The following ZC3H7B variants were observed in gnomAD, a reference collection of about 807,000 sequenced individuals.
ZC3H7B encodes zinc finger CCCH domain-containing protein 7B.
ZC3H7B carries 35 observed loss-of-function variants against 116.0 expected under a neutral mutation model. The ratio of observed to expected loss-of-function variants is 0.30; its 90% CI spans 0.23 to 0.40. The LOEUF (loss-of-function observed/expected upper bound fraction) is 0.40. Ranked by LOEUF, ZC3H7B falls within the 10% of genes least tolerant of loss-of-function variation. The pLI is 1.00. For synonymous variants in ZC3H7B, 502 were observed against 545.6 expected, an observed-to-expected ratio of 0.92 and a Z score of 1.11; for missense variants, 1,011 against 1,321.5, an observed-to-expected ratio of 0.77 and a Z score of 3.64.
chr22:41,334,340 C>A (rs1029008775), intron 7 of ZC3H7B: 1 of 152,236 alleles, frequency 6.6e-6, no homozygotes, highest in African/African-American at 2.4e-5. Context: ...TGAATGACTG[C>A]GGCCAGGGGG....
In ZC3H7B at chr22:41,339,952, C is replaced by T. The variant is rs1005726150; in HGVS notation, c.953C>T (p.Pro318Leu). Reference sequence around the variant, plus strand: ...ATCCCTGTCTCCAGCCCACTGCCCCCCGCCTCCTTCGGCTTGGTCATGGAC... The same window carrying T: ...ATCCCTGTCTCCAGCCCACTGCCCCTCGCCTCCTTCGGCTTGGTCATGGAC... ...GSIPVSSPLP[P>L]ASFGLVMDPS... The change falls in exon 10 of 23, where the codon CCC (proline) becomes CTC (leucine). Residue 318 changes from proline to leucine, a missense_variant. Coordinates refer to ENST00000352645, the MANE Select transcript of ZC3H7B (RefSeq NM_017590.6). The T allele has an allele frequency of 3.1e-6, 5 of 1,612,880 alleles. No individual in the cohort carries two copies. Among genetic ancestry groups the T allele is most frequent in the Non-Finnish European group, 4.2e-6 (5 of 1,180,000 alleles).
At chr22:41,328,583 A>C (rs1403549421) in intron 5 of ZC3H7B, among the ~76,000 whole-genome samples, 5 of 152,078 alleles carry the variant, frequency 3.3e-5, no homozygotes, top group Middle Eastern at 3.4e-3. Flanking sequence ...CTCCCCCTTT[A>C]GATTGGAATC....
At chr22:41,339,790 C>T in intron 9 of ZC3H7B, 26 bp from the exon 10 acceptor site, 1 of 1,559,850 alleles carries the variant, frequency 6.4e-7, no homozygotes, top group Non-Finnish European at 8.7e-7. Flanking sequence ...TTTCCTCTGA[C>T]CCCTCCCTCT....
chr22:41,352,512 C>T (rs907076384), intron 17 of ZC3H7B, among the ~76,000 whole-genome samples: 5 of 152,192 alleles, frequency 3.3e-5, no homozygotes, highest in South Asian at 2.1e-4. Context: ...TGTAATCCCA[C>T]CAGCCTTTGG....
intron 14 of ZC3H7B, among the ~76,000 whole-genome samples, chr22:41,347,785 T>A (rs1243014352): frequency 6.6e-6 from 1 of 152,212 alleles, no homozygotes; most frequent in African/African-American, 2.4e-5. Flanking sequence ...CATTCCTTTT[T>A]ATCTTTTTTT....
intron 15 of ZC3H7B, 101 bp downstream of exon 15, chr22:41,348,268 G>A: frequency 9.4e-7 from 1 of 1,061,202 alleles, no homozygotes. Flanking sequence ...AAGGGTGGAT[G>A]TAGGGTGCAA....
rs1429669886 is a variant in ZC3H7B at position 41,357,467 on chromosome 22, G to T, written c.*38G>T. ...GCCGTGGGTGAAGTCCTGGGGTCAG[G>T]GGGTGGGGTGGGGCCAGAAGGCCTG... is the stretch of plus-strand genomic sequence containing the variant. On this transcript the variant is annotated 3_prime_UTR_variant, in exon 23 of 23. Coordinates refer to ENST00000352645, the MANE Select transcript of ZC3H7B (RefSeq NM_017590.6). The surrounding 1 kb of genome is among the most constrained non-coding windows in gnomAD (Gnocchi z 5.4). 1.9e-6 allele frequency: 3 copies of T among 1,599,566 alleles called. No individual in the cohort carries two copies. The highest frequency in any genetic ancestry group is 1.7e-5 in the Admixed American group (1 of 59,772).
rs748736334 is a variant in ZC3H7B at position 41,325,938 on chromosome 22, T to C, written c.285+20T>C. 1 of 1,587,080 alleles carries C rather than the reference T, an allele frequency of 6.3e-7. No individual in the cohort carries two copies. The highest frequency in any genetic ancestry group is 8.6e-7 in the Non-Finnish European group (1 of 1,167,444). ...ACCATGGTGAGCCTGGCACCCTCTT[T>C]TCTCTCCTCCTCTGCTGCCCTGATC... is the stretch of plus-strand genomic sequence containing the variant. On this transcript the variant is annotated intron_variant, in intron 4 of 22. Transcript: ENST00000352645.
At position 41,339,066 on chromosome 22, in the gene ZC3H7B, C is replaced by T. The variant is rs1371457545; in HGVS notation, c.691C>T (p.Pro231Ser). The T allele has an allele frequency of 6.2e-7, 1 of 1,612,614 alleles. No individual in the cohort carries two copies. Among genetic ancestry groups the T allele is most frequent in the South Asian group, 1.1e-5 (1 of 90,604 alleles). ...LPSTPTMPLF[P>S]HVLDLLAPLD... is the part of the protein sequence containing the mutation. ...CTCCACGCCCACGATGCCCCTGTTC[C>T]CTCACGTTCTGGACCTGCTGGCCCC... Residue 231 changes from proline to serine, a missense_variant, in exon 9 of 23, where the codon CCT (proline) becomes TCT (serine). By Grantham distance (74) the Pro-to-Ser change is moderately conservative (BLOSUM62 -1). Around this residue, in one of 5 missense-constraint regions of ZC3H7B, gnomAD observed 322 missense variants for 443.9 expected, o/e 0.73. Coordinates refer to ENST00000352645, the MANE Select transcript of ZC3H7B (RefSeq NM_017590.6).
chr22:41,313,109 T>C (rs375424385), intron 1 of ZC3H7B, among the ~76,000 whole-genome samples: 132 of 151,976 alleles, frequency 8.7e-4, no homozygotes, highest in African/African-American at 3.1e-3. Context: ...AAGCAGGTAA[T>C]GTTTTGGGTC....
chr22:41,350,739 T>C (rs955622968), intron 16 of ZC3H7B, among the ~76,000 whole-genome samples: 7 of 152,130 alleles, frequency 4.6e-5, no homozygotes, highest in African/African-American at 1.7e-4. Flanking sequence ...CATGGAGATG[T>C]TGGAAGCAGC....
At chr22:41,332,383 A>G in intron 7 of ZC3H7B, 156 bp downstream of exon 7, 3 of 875,810 alleles carry the variant, frequency 3.4e-6, no homozygotes, top group South Asian at 1.5e-5. Context: ...ATGTGGGGAC[A>G]GGCCATGGCT....
At chr22:41,330,858 CT>C (rs1162413000) in intron 6 of ZC3H7B, among the ~76,000 whole-genome samples, 2,174 of 128,664 alleles carry the variant, frequency 0.017, 11 homozygotes, top group Non-Finnish European at 0.023. Flanking sequence ...AGGAGAATCA[CT>C]TTTTTTTTTT....
At chr22:41,348,288 C>A in intron 15 of ZC3H7B, 121 bp downstream of exon 15, 1 of 815,492 alleles carries the variant, frequency 1.2e-6, no homozygotes, top group Non-Finnish European at 2.0e-6. Context: ...AGGAAAGGGG[C>A]AGAATTTGGG....
chr22:41,348,033 A>G (rs2145937701), intron 14 of ZC3H7B, 34 bp from the exon 15 acceptor site: 1 of 1,599,984 alleles, frequency 6.3e-7, no homozygotes, highest in South Asian at 1.1e-5. Flanking sequence ...CCAGGTGGCC[A>G]TGCCAGGTCC....
intron 13 of ZC3H7B, 129 bp from the exon 14 acceptor site, chr22:41,345,874 G>A (rs942934691): frequency 1.1e-6 from 1 of 916,176 alleles, no homozygotes; most frequent in Non-Finnish European, 1.7e-6. Flanking sequence ...TCACCTAGCT[G>A]TGTTGGGGTG....
At chr22:41,322,911 C>T (rs1407518886) in intron 2 of ZC3H7B, among the ~76,000 whole-genome samples, 5 of 152,320 alleles carry the variant, frequency 3.3e-5, no homozygotes, top group Middle Eastern at 3.4e-3. Context: ...GGATTGCAGG[C>T]GCGTGCTGCT....
Position 41,349,046 on chromosome 22 carries a change from G to A in ZC3H7B, c.1767-74G>A. On this transcript the variant is annotated intron_variant, in intron 15 of 22. Coordinates refer to ENST00000352645, the MANE Select transcript of ZC3H7B (RefSeq NM_017590.6). The surrounding 1 kb of genome is among the most constrained non-coding windows in gnomAD (Gnocchi z 4.9). ...CCCAGGGAGAGCCTGGCACTGGGAA[G>A]GTGGCCCTACCAGGAGAGAAGGTCA... 1 of 1,504,822 alleles carries A rather than the reference G, an allele frequency of 6.6e-7. No homozygotes were observed. Among genetic ancestry groups the A allele is most frequent in the Non-Finnish European group, 9.0e-7 (1 of 1,107,456 alleles). The allele number at this position is 1,504,822 out of a possible 1,614,324, so 93.2% of individuals were successfully genotyped here.
chr22:41,341,245 C>A, intron 11 of ZC3H7B, 99 bp downstream of exon 11: 1 of 1,433,424 alleles, frequency 7.0e-7, no homozygotes, highest in Non-Finnish European at 9.7e-7. Context: ...TAAGGCACTG[C>A]ATTCCCCACG....
Sources: gnomAD v4.1 joint callset for allele counts (sites outside exome capture counted in the v4.1 genomes callset) on GRCh38, gnomAD v4.1.1 for gene constraint, gnomAD v4.1.1 regional missense constraint, Gnocchi (gnomAD v3.1) non-coding constraint, MANE v1.5 for transcripts, NCBI Gene and HGNC (gene_info 2026-07-23, HGNC 2026-07-21) for gene names.